The following RALGPS2 variants were observed in gnomAD, a reference collection of about 807,000 sequenced individuals.
RALGPS2 encodes ras-specific guanine nucleotide-releasing factor RalGPS2.
A neutral mutation model predicts 86.8 loss-of-function variants in RALGPS2; 43 were observed. The ratio of observed to expected loss-of-function variants is 0.50; its 90% CI spans 0.39 to 0.64. The LOEUF (loss-of-function observed/expected upper bound fraction) is 0.64, where lower values mean the gene tolerates loss of function less well. RALGPS2 is among the 30% of genes least tolerant of loss of function. RALGPS2 has a pLI of 0.00. For missense variants in RALGPS2, 536 were observed against 694.6 expected (o/e 0.77, Z 2.57); for synonymous variants, 243 against 231.3 (o/e 1.05, Z -0.46).
At chr1:178,731,172 C>T (rs1650323512) in intron 1 of RALGPS2, among the ~76,000 whole-genome samples, 1 of 151,344 alleles carries the variant, frequency 6.6e-6, no homozygotes, top group South Asian at 2.1e-4. Context: ...TTCCTTCTAC[C>T]TTGACACCTG....
chr1:178,785,264 TAATA>T (rs1339829640), intron 3 of RALGPS2, among the ~76,000 whole-genome samples: 1 of 152,066 alleles, frequency 6.6e-6, no homozygotes, highest in African/African-American at 2.4e-5. Flanking sequence ...CTATGTGAAC[TAATA>T]AATCTGGTTT....
intron 18 of RALGPS2, among the ~76,000 whole-genome samples, chr1:178,904,238 A>G (rs1660300273): frequency 2.0e-5 from 3 of 151,998 alleles, no homozygotes. Context: ...TTCATTGTAG[A>G]TTCTAGATGT....
At chr1:178,744,611 C>G (rs768735802) in intron 1 of RALGPS2, among the ~76,000 whole-genome samples, 7 of 151,782 alleles carry the variant, frequency 4.6e-5, no homozygotes, top group Non-Finnish European at 8.8e-5. Flanking sequence ...GTCAGGAGCT[C>G]GAGACCAGCC....
chr1:178,864,801 A>T (rs764778387), intron 8 of RALGPS2, among the ~76,000 whole-genome samples: 5 of 152,214 alleles, frequency 3.3e-5, no homozygotes, highest in Non-Finnish European at 5.9e-5. Flanking sequence ...GATGTATTTA[A>T]GTTCAATTCT....
At chr1:178,795,144 C>T (rs891537612) in intron 4 of RALGPS2, among the ~76,000 whole-genome samples, 1 of 151,178 alleles carries the variant, frequency 6.6e-6, no homozygotes, top group Non-Finnish European at 1.5e-5. Context: ...TGCGCCACTG[C>T]ACTCCAGCCT....
chr1:178,846,119 T>C (rs1656853148), intron 8 of RALGPS2, among the ~76,000 whole-genome samples: 1 of 152,238 alleles, frequency 6.6e-6, no homozygotes, highest in Admixed American at 6.5e-5. Flanking sequence ...TTCATATTTC[T>C]ATTCAGATAA....
intron 10 of RALGPS2, among the ~76,000 whole-genome samples, chr1:178,882,674 A>G (rs1659309792): frequency 6.6e-6 from 1 of 152,220 alleles, no homozygotes. Flanking sequence ...AGCATTTTCT[A>G]CAACTACTTT....
At chr1:178,816,067 C>T (rs1274124784) in intron 6 of RALGPS2, among the ~76,000 whole-genome samples, 1 of 152,026 alleles carries the variant, frequency 6.6e-6, no homozygotes, top group Non-Finnish European at 1.5e-5. Flanking sequence ...ATTGAGTTTT[C>T]TTGGATTATA....
At chr1:178,820,886 G>T (rs895815123) in intron 6 of RALGPS2, among the ~76,000 whole-genome samples, 1 of 151,998 alleles carries the variant, frequency 6.6e-6, no homozygotes, top group African/African-American at 2.4e-5. Context: ...CTAGACCTGG[G>T]GCTTACCTGG....
chr1:178,777,200 G>T (rs1653140785), intron 2 of RALGPS2, among the ~76,000 whole-genome samples: 1 of 148,694 alleles, frequency 6.7e-6, no homozygotes, highest in Non-Finnish European at 1.5e-5. Context: ...AAAGTCTCAG[G>T]ATACAAAATC....
intron 7 of RALGPS2, among the ~76,000 whole-genome samples, chr1:178,824,580 G>A (rs1051942754): frequency 3.3e-5 from 5 of 152,160 alleles, no homozygotes; most frequent in Admixed American, 6.5e-5. Flanking sequence ...AGGCCAAGTC[G>A]GGCGGATCAC....
At chr1:178,738,951 A>C (rs190107974) in intron 1 of RALGPS2, among the ~76,000 whole-genome samples, 89 of 152,196 alleles carry the variant, frequency 5.8e-4, no homozygotes, top group African/African-American at 2.1e-3. Context: ...TGTCTAGAAC[A>C]TTTTTTTGCC....
intron 1 of RALGPS2, among the ~76,000 whole-genome samples, chr1:178,734,274 G>A (rs1264947902): frequency 6.6e-6 from 1 of 152,184 alleles, no homozygotes; most frequent in Admixed American, 6.5e-5. Flanking sequence ...AATGGATGTG[G>A]CTTCTTTGGA....
chr1:178,836,505 A>C lies in RALGPS2; in HGVS notation c.607+2955A>C, dbSNP rs368774586. 4.6e-5 allele frequency among the ~76,000 whole-genome samples: 7 copies of C among 151,980 alleles called. No individual in the cohort carries two copies. In the South Asian group the frequency reaches 8.3e-4, roughly 18 times the overall value. ...TTAAAAGTATCTCATTCTTGTTGTC[A>C]CCTTTTTCTCCATCTTCACTCTCTA... On this transcript the variant is annotated intron_variant, in intron 8 of 19. Coordinates refer to ENST00000367635, the MANE Select transcript of RALGPS2 (RefSeq NM_152663.5).
At chr1:178,914,137 C>T (rs1660727070) in intron 19 of RALGPS2, among the ~76,000 whole-genome samples, 1 of 152,168 alleles carries the variant, frequency 6.6e-6, no homozygotes, top group Non-Finnish European at 1.5e-5. Flanking sequence ...GAAACACAGC[C>T]CTGCTCTCTC....
rs140476019 is a variant in RALGPS2, at chr1:178,744,330, C to T, written c.-84+18911C>T. Among the ~76,000 whole-genome samples, 1,433 of 152,162 alleles carry T rather than the reference C, an allele frequency of 9.4e-3. 17 individuals are homozygous for T. The highest frequency in any genetic ancestry group is 0.015 in the Non-Finnish European group (1,010 of 67,996). On this transcript the variant is annotated intron_variant, in intron 1 of 19. Transcript: ENST00000367635. ...ATTCTGGGTAGTCACTTTGAGAAAA[C>T]TAGGATTAGAAAGGAAATTCTTCAG...
chr1:178,766,519 G>A (rs189755294), intron 1 of RALGPS2, among the ~76,000 whole-genome samples: 102 of 152,056 alleles, frequency 6.7e-4, no homozygotes, highest in African/African-American at 2.4e-3. Context: ...GTGAGCCACC[G>A]CACCTAGTCA....
intron 8 of RALGPS2, among the ~76,000 whole-genome samples, chr1:178,841,521 A>T (rs1317869703): frequency 2.2e-5 from 2 of 89,008 alleles, no homozygotes; most frequent in Middle Eastern, 8.3e-3. Context: ...AGAGCTATCT[A>T]TGACAAACCC....
At chr1:178,790,469 A>G (rs1169472273) in intron 4 of RALGPS2, among the ~76,000 whole-genome samples, 1 of 152,252 alleles carries the variant, frequency 6.6e-6, no homozygotes, top group East Asian at 1.9e-4. Context: ...GGTAATCACC[A>G]TCCAGTATTG....
Sources: gnomAD v4.1 joint callset for allele counts (sites outside exome capture counted in the v4.1 genomes callset) on GRCh38, gnomAD v4.1.1 for gene constraint, MANE v1.5 for transcripts, NCBI Gene and HGNC (gene_info 2026-07-23, HGNC 2026-07-21) for gene names.